ATXN1: variants seen among roughly 807,000 people sequenced by gnomAD.
The protein encoded by ATXN1 is ataxin 1.
In ATXN1, 8 loss-of-function variants were observed where a neutral mutation model predicts 56.4. The observed-to-expected ratio is 0.14, with a 90% CI of 0.08 to 0.26. ATXN1 has a LOEUF of 0.26. Ranked by LOEUF, ATXN1 falls within the 10% of genes least tolerant of loss-of-function variation. The pLI is 1.00. For synonymous variants in ATXN1, 514 were observed against 494.6 expected (o/e 1.04, Z -0.52); for missense variants, 987 against 1,106.5 (o/e 0.89, Z 1.53).
chr6:16,327,553 G>A lies in ATXN1; in HGVS notation c.758C>T (p.Ser253Phe). Residue 253 changes from serine (S) to phenylalanine (F), a missense_variant, in exon 7 of 8, where the codon TCT (serine) becomes TTT (phenylalanine). By Grantham distance (155) the Ser-to-Phe change is radical. Around this residue, in one of 3 missense-constraint regions of ATXN1, gnomAD observed 723 missense variants for 791.7 expected, o/e 0.91. Transcript: ENST00000436367. ...GGCGGTGCGGCCGGTGTTCTGCGGA[G>A]AACTGGAAATGTGGACGTACTGGTT... ...QQNQYVHISS[S>F]PQNTGRTASP... 2 of 1,607,566 alleles carry A rather than the reference G, an allele frequency of 1.2e-6. No individual in the cohort carries two copies. Among genetic ancestry groups the A allele is most frequent in the Non-Finnish European group, 1.7e-6 (2 of 1,177,418 alleles).
intron 5 of ATXN1, among the ~76,000 whole-genome samples, chr6:16,515,660 C>T (rs1227356268): frequency 2.0e-5 from 3 of 152,172 alleles, no homozygotes; most frequent in African/African-American, 7.2e-5. Flanking sequence ...GAGTCCTACA[C>T]GGAGCTTCCC....
intron 6 of ATXN1, among the ~76,000 whole-genome samples, chr6:16,477,062 G>A (rs1760340425): frequency 6.6e-6 from 1 of 151,844 alleles, no homozygotes; most frequent in African/African-American, 2.4e-5. Context: ...TGTCATCTGT[G>A]GGTCTTCAAT....
intron 4 of ATXN1, among the ~76,000 whole-genome samples, chr6:16,566,697 C>CA (rs749638304): frequency 8.7e-4 from 131 of 150,986 alleles, no homozygotes; most frequent in Admixed American, 2.2e-3. Context: ...ACTAAAAATA[C>CA]AAAAAAAAAT....
chr6:16,567,195 G>C (rs892003806), intron 4 of ATXN1, among the ~76,000 whole-genome samples: 1 of 152,102 alleles, frequency 6.6e-6, no homozygotes, highest in African/African-American at 2.4e-5. Flanking sequence ...AATCTGGGGG[G>C]ATATGACTGC....
chr6:16,554,399 G>A (rs1761974396), intron 4 of ATXN1, among the ~76,000 whole-genome samples: 1 of 152,210 alleles, frequency 6.6e-6, no homozygotes, highest in Non-Finnish European at 1.5e-5. Flanking sequence ...CCACCCGAGA[G>A]ACATTACTGT....
chr6:16,510,511 G>A (rs547791653), intron 5 of ATXN1, among the ~76,000 whole-genome samples: 6 of 152,172 alleles, frequency 3.9e-5, no homozygotes, highest in Admixed American at 6.5e-5. Flanking sequence ...AGAGGTGGGA[G>A]AATCACTTGA....
At chr6:16,530,847 C>CGT (rs1761490016) in intron 4 of ATXN1, among the ~76,000 whole-genome samples, 1 of 152,026 alleles carries the variant, frequency 6.6e-6, no homozygotes, top group African/African-American at 2.4e-5. Flanking sequence ...GGTGGGTATG[C>CGT]GTGTGTGTGT....
chr6:16,732,636 TCCC>T (rs1375956507), intron 2 of ATXN1, among the ~76,000 whole-genome samples: 2 of 151,460 alleles, frequency 1.3e-5, no homozygotes, highest in East Asian at 3.9e-4. Flanking sequence ...GATAAAAGAG[TCCC>T]CCAACACTAG....
chr6:16,733,568 A>G (rs557294288), intron 2 of ATXN1, among the ~76,000 whole-genome samples: 29 of 149,252 alleles, frequency 1.9e-4, no homozygotes, highest in Admixed American at 2.0e-4. Flanking sequence ...GACCTCTTGG[A>G]AAAAAAAAAG....
At chr6:16,666,723 C>G (rs567473198) in intron 2 of ATXN1, 1 of 152,254 alleles carries the variant, frequency 6.6e-6, no homozygotes, top group South Asian at 2.1e-4. Flanking sequence ...CCAGGATGGT[C>G]TTGCTCTCCT....
chr6:16,399,092 A>G (rs1037286454), intron 6 of ATXN1, among the ~76,000 whole-genome samples: 1 of 152,242 alleles, frequency 6.6e-6, no homozygotes, highest in African/African-American at 2.4e-5. Flanking sequence ...CACAAAGGCA[A>G]AAACTAAACC....
intron 6 of ATXN1, chr6:16,432,546 A>T (rs1002259287): frequency 6.6e-6 from 1 of 152,250 alleles, no homozygotes; most frequent in Non-Finnish European, 1.5e-5. Flanking sequence ...AAGAGGGAAA[A>T]AAAGAGGCTC....
intron 2 of ATXN1, among the ~76,000 whole-genome samples, chr6:16,731,273 G>A (rs957165883): frequency 6.6e-6 from 1 of 151,786 alleles, no homozygotes; most frequent in African/African-American, 2.4e-5. Flanking sequence ...GATAAGACCC[G>A]TATTAACAGA....
chr6:16,753,355 G>T lies in ATXN1; in HGVS notation c.-729-8C>A, dbSNP rs1386014272. The T allele has an allele frequency of 8.8e-6, 4 of 456,822 alleles. No homozygotes were observed. The highest frequency in any genetic ancestry group is 1.8e-5 in the Non-Finnish European group (4 of 227,002). 28.3% of individuals were successfully genotyped at this position (456,822 alleles called of 1,614,324 possible). ...ACTTGATGCACGATGCTCCTGCAAT[G>T]GTCGAGGGAGTGCAGGAGAGGAAAT... On this transcript the variant is annotated splice_region_variant and splice_polypyrimidine_tract_variant and intron_variant, in intron 1 of 7. Coordinates refer to ENST00000436367, the MANE Select transcript of ATXN1 (RefSeq NM_001128164.2).
At chr6:16,761,026 C>T (rs1345802059) in intron 1 of ATXN1, 1 of 174,804 alleles carries the variant, frequency 5.7e-6, no homozygotes, top group African/African-American at 2.4e-5. Context: ...GGGTGTCGGC[C>T]CGGGAGCCTG....
rs1239514648 is a variant in ATXN1 at position 16,301,279 on chromosome 6, A to G, written c.*5050T>C. The G allele has an allele frequency of 6.6e-6, 1 of 152,644 alleles. No individual in the cohort carries two copies. Among genetic ancestry groups the G allele is most frequent in the Admixed American group, 6.5e-5 (1 of 15,286 alleles). 9.5% of individuals were successfully genotyped at this position (152,644 alleles called of 1,614,324 possible). On this transcript the variant is annotated 3_prime_UTR_variant, in exon 8 of 8. Coordinates refer to ENST00000436367, the MANE Select transcript of ATXN1 (RefSeq NM_001128164.2). ...CAAATCAGGTGTACATTTAAAAAAA[A>G]ATTCCCACAAGGTATAGTGCTACAA...
chr6:16,534,654 C>T (rs1267240182), intron 4 of ATXN1, among the ~76,000 whole-genome samples: 7 of 152,148 alleles, frequency 4.6e-5, no homozygotes, highest in Non-Finnish European at 4.4e-5. Context: ...CACCACTGGT[C>T]CATTTCCTCA....
chr6:16,524,674 C>T (rs1209787533), intron 4 of ATXN1, among the ~76,000 whole-genome samples: 3 of 152,200 alleles, frequency 2.0e-5, no homozygotes, highest in African/African-American at 4.8e-5. Context: ...AACAAAAAGG[C>T]ATTATCACCA....
At chr6:16,433,035 C>G (rs1402842243) in intron 6 of ATXN1, 1 of 152,136 alleles carries the variant, frequency 6.6e-6, no homozygotes, top group Non-Finnish European at 1.5e-5. Context: ...GCTCGATCTA[C>G]CGCAACAATA....
Sources: allele counts gnomAD v4.1 joint callset (sites outside exome capture counted in the v4.1 genomes callset), GRCh38; gene constraint gnomAD v4.1.1; regional missense constraint gnomAD v4.1.1; transcripts MANE v1.5; gene names NCBI Gene and HGNC (gene_info 2026-07-23, HGNC 2026-07-21).